ACSF2: variants seen among roughly 807,000 people sequenced by gnomAD.
ACSF2 encodes medium-chain acyl-CoA ligase ACSF2, mitochondrial.
A neutral mutation model predicts 79.3 loss-of-function variants in ACSF2; 52 were observed. The ratio of observed to expected loss-of-function variants is 0.66; its 90% CI spans 0.53 to 0.83. ACSF2 has a LOEUF of 0.83. Among genes scored for constraint, ACSF2 ranks in the 40% least tolerant of loss-of-function variants. ACSF2 has a pLI of 0.00. For missense variants in ACSF2, 661 were observed against 803.3 expected (o/e 0.82, Z 2.14); for synonymous variants, 283 against 312.6 (o/e 0.91, Z 1.00).
At chr17:50,433,444 A>G (rs1374804539) in intron 1 of ACSF2, among the ~76,000 whole-genome samples, 1 of 152,100 alleles carries the variant, frequency 6.6e-6, no homozygotes. Flanking sequence ...ACAAACCACC[A>G]TGTGCACCTG....
At chr17:50,450,443 G>A (rs1269428147) in intron 1 of ACSF2, 1 of 151,602 alleles carries the variant, frequency 6.6e-6, no homozygotes, top group Non-Finnish European at 1.5e-5. Context: ...AGAGGCTGCA[G>A]TGAGCCAAGA....
chr17:50,457,236 C>A (rs1183186089), intron 1 of ACSF2, among the ~76,000 whole-genome samples: 1 of 152,196 alleles, frequency 6.6e-6, no homozygotes, highest in Admixed American at 6.5e-5. Context: ...ATTCTGTTCC[C>A]ATAGGAGAAG....
chr17:50,461,068 G>A, intron 2 of ACSF2, 174 bp from the exon 3 acceptor site: 1 of 1,160,498 alleles, frequency 8.6e-7, no homozygotes, highest in South Asian at 1.5e-5. Flanking sequence ...GCAGCTCCTG[G>A]GGCACCTGTT....
At chr17:50,449,683 G>A (rs534672494) in intron 1 of ACSF2, among the ~76,000 whole-genome samples, 4 of 151,988 alleles carry the variant, frequency 2.6e-5, no homozygotes, top group African/African-American at 7.2e-5. Flanking sequence ...CAAAGTGCTC[G>A]GATTACAGGC....
intron 6 of ACSF2, 140 bp downstream of exon 6, chr17:50,462,725 T>G: frequency 9.9e-7 from 1 of 1,012,884 alleles, no homozygotes; most frequent in Non-Finnish European, 1.4e-6. Context: ...CTCTCTGCCC[T>G]GGAAAATATC....
At chr17:50,470,972 C>T (rs1419720090) in intron 10 of ACSF2, 56 bp from the exon 11 acceptor site, 2 of 1,296,202 alleles carry the variant, frequency 1.5e-6, no homozygotes, top group Non-Finnish European at 2.2e-6. Flanking sequence ...AGATAGCTCA[C>T]CTGATCCCTC....
intron 1 of ACSF2, among the ~76,000 whole-genome samples, chr17:50,449,313 G>A (rs997446613): frequency 4.0e-5 from 6 of 151,566 alleles, no homozygotes; most frequent in Admixed American, 2.6e-4. Flanking sequence ...CACCACGCCC[G>A]GCCCAATATA....
chr17:50,465,048 A>G (rs760506506), intron 10 of ACSF2: 128 of 526,472 alleles, frequency 2.4e-4, no homozygotes, highest in Non-Finnish European at 4.0e-4. Context: ...CTGGGTCAGA[A>G]CCTGCAAAGA....
chr17:50,464,182 A>G, intron 9 of ACSF2, 36 bp from the exon 10 acceptor site: 1 of 1,604,896 alleles, frequency 6.2e-7, no homozygotes, highest in Non-Finnish European at 8.5e-7. Context: ...GGGCCTGGAG[A>G]ATTGGGGAGC....
intron 1 of ACSF2, among the ~76,000 whole-genome samples, chr17:50,435,711 C>T (rs1045670963): frequency 6.6e-6 from 1 of 152,050 alleles, no homozygotes; most frequent in Non-Finnish European, 1.5e-5. Flanking sequence ...GCCACTATGC[C>T]CAGCCCATAT....
At chr17:50,465,422 G>A in intron 10 of ACSF2, 1 of 1,613,976 alleles carries the variant, frequency 6.2e-7, no homozygotes, top group Non-Finnish European at 8.5e-7. Context: ...TGGGCGGGAG[G>A]CCTTGGCTTC....
At chr17:50,449,914 C>T (rs1383213917) in intron 1 of ACSF2, among the ~76,000 whole-genome samples, 1 of 152,096 alleles carries the variant, frequency 6.6e-6, no homozygotes, top group African/African-American at 2.4e-5. Flanking sequence ...ACGATAAGTT[C>T]CCATTGCCCC....
At position 50,461,293 on chromosome 17, in the gene ACSF2, C is replaced by T. The variant is rs368713564; in HGVS notation, c.376C>T (p.Arg126Trp). The part of the protein sequence containing the change: ...LLSIGLCKGD[R>W]LGMWGPNSYA... ...GAGCATTGGCCTCTGCAAAGGTGACCGGCTGGGCATGTGGGGACCTAACTC... is the reference window on the plus strand; with the variant it reads ...GAGCATTGGCCTCTGCAAAGGTGACTGGCTGGGCATGTGGGGACCTAACTC... The change falls in exon 3 of 16, where the codon CGG (arginine) becomes TGG (tryptophan). Residue 126 changes from arginine (R) to tryptophan (W), a missense_variant. Arg to Trp is a moderately radical substitution (Grantham distance 101). Transcript: ENST00000300441. 26 of 1,614,072 alleles carry T rather than the reference C, an allele frequency of 1.6e-5. No individual in the cohort carries two copies. The highest frequency in any genetic ancestry group is 4.4e-5 in the South Asian group (4 of 91,094).
In ACSF2 at chr17:50,460,666, TC is replaced by T. The variant is rs762563268; in HGVS notation, c.129-10del. 3 of 1,606,160 alleles carry T rather than the reference TC, an allele frequency of 1.9e-6. No homozygotes were observed. The South Asian group carries it at 3.3e-5, about 18-fold the overall frequency. On this transcript the variant is annotated splice_polypyrimidine_tract_variant and intron_variant, in intron 1 of 15. Transcript: ENST00000300441. Reference sequence around the variant, plus strand: ...CTGGGACAGTCAAACCCATAGCTCCTCTCCCTACAGTTCCAGAGAGGTGGAT... The same window carrying T: ...CTGGGACAGTCAAACCCATAGCTCCTTCCCTACAGTTCCAGAGAGGTGGAT...
chr17:50,430,246 A>C (rs1459379196), intron 1 of ACSF2, among the ~76,000 whole-genome samples: 1 of 152,180 alleles, frequency 6.6e-6, no homozygotes, highest in Non-Finnish European at 1.5e-5. Flanking sequence ...CTAAGGGAAA[A>C]ATCTGAGGCC....
rs542768936 is a variant in ACSF2, at chr17:50,461,373, G to A, written c.453+3G>A. On this transcript the variant is annotated splice_donor_region_variant and intron_variant, in intron 3 of 15. Transcript: ENST00000300441. ...CCGCCCAGGCGGGCATCATTCTGGT[G>A]AGGAGGGGCTTGCTTGGCACAGCTT... 5.0e-5 allele frequency: 81 copies of A among 1,613,966 alleles called. 1 individual carries two copies. In the South Asian group the frequency reaches 8.7e-4, roughly 17 times the overall value.
At chr17:50,434,911 C>T (rs112729442) in intron 1 of ACSF2, among the ~76,000 whole-genome samples, 10,368 of 151,828 alleles carry the variant, frequency 0.068, 393 homozygotes, top group African/African-American at 0.095. Flanking sequence ...ACTGTTGTTG[C>T]CCAGGCTGGA....
Position 50,427,901 on chromosome 17 carries a change from T to C in ACSF2, c.128+1512T>C, listed in dbSNP as rs1380055010. Among the ~76,000 whole-genome samples, 5 of 152,178 alleles carry C rather than the reference T, an allele frequency of 3.3e-5. No individual in the cohort carries two copies. In the East Asian group the frequency reaches 9.6e-4, roughly 29 times the overall value. ...GCTGTGTCAGGAGGAGACTCATTTA[T>C]CCAGACAGATGATTTTCTGAGTGTT... On this transcript the variant is annotated intron_variant, in intron 1 of 15. Coordinates refer to ENST00000300441, the MANE Select transcript of ACSF2 (RefSeq NM_025149.6).
chr17:50,465,956 T>G, intron 10 of ACSF2: 2 of 1,457,482 alleles, frequency 1.4e-6, no homozygotes, highest in Non-Finnish European at 1.9e-6. Flanking sequence ...GCAGGATCCT[T>G]CCCTGAACCT....
Sources: allele counts gnomAD v4.1 joint callset (sites outside exome capture counted in the v4.1 genomes callset), GRCh38; gene constraint gnomAD v4.1.1; transcripts MANE v1.5; gene names NCBI Gene and HGNC (gene_info 2026-07-23, HGNC 2026-07-21).